Variants in SLCO4C1 observed in about 807,000 individuals in gnomAD.
SLCO4C1 encodes solute carrier organic anion transporter family member 4C1, also known as organic anion transporter M1.
SLCO4C1 carries 58 observed loss-of-function variants against 72.1 expected under a neutral mutation model. That is an observed-to-expected ratio of 0.80 (90% CI 0.65 to 1.00). The LOEUF (loss-of-function observed/expected upper bound fraction) is 1.00, where lower values mean the gene tolerates loss of function less well. SLCO4C1 is among the 50% of genes least tolerant of loss of function. SLCO4C1 has a pLI of 0.00. For synonymous variants in SLCO4C1, 297 were observed against 312.5 expected (o/e 0.95, Z 0.52); for missense variants, 898 against 857.9 (o/e 1.05, Z -0.58).
chr5:102,290,139 G>T (rs535245579), intron 2 of SLCO4C1, among the ~76,000 whole-genome samples: 11 of 152,332 alleles, frequency 7.2e-5, no homozygotes, highest in South Asian at 4.1e-4. Context: ...TCCACTCAGG[G>T]CAGAAGGCAA....
rs201552336 is a variant in SLCO4C1 at position 102,236,814 on chromosome 5, G to C, written c.*44C>G. ...ATGGCAATGTGTGTTCTTAAAAATC[G>C]AGGTAAATTTTCCAGGTGTAAAACA... On this transcript the variant is annotated 3_prime_UTR_variant, in exon 13 of 13. Coordinates refer to ENST00000310954, the MANE Select transcript of SLCO4C1 (RefSeq NM_180991.5). 5 of 1,578,504 alleles carry C rather than the reference G, an allele frequency of 3.2e-6. No individual in the cohort carries two copies. Among genetic ancestry groups the C allele is most frequent in the Non-Finnish European group, 4.3e-6 (5 of 1,161,174 alleles).
chr5:102,249,606 T>G (rs1343832872), intron 9 of SLCO4C1, 32 bp downstream of exon 9: 2 of 1,611,406 alleles, frequency 1.2e-6, no homozygotes, highest in Admixed American at 1.7e-5. Context: ...ACATATTGCC[T>G]CATTAAGGGA....
chr5:102,264,678 G>A (rs1749002455), intron 3 of SLCO4C1, among the ~76,000 whole-genome samples: 1 of 150,950 alleles, frequency 6.6e-6, no homozygotes, highest in Non-Finnish European at 1.5e-5. Flanking sequence ...ATGAGTAATG[G>A]TTAACTATAT....
rs1017406640 is a variant in SLCO4C1, at chr5:102,235,258, T to G, written c.*1600A>C. ...TGTGTTATCCTGATTACAGTGTATA[T>G]AAAACAATGCTTGTGGAAAATTAAC... is the stretch of plus-strand genomic sequence containing the variant. On this transcript the variant is annotated 3_prime_UTR_variant, in exon 13 of 13. Transcript: ENST00000310954. The G allele has an allele frequency of 3.9e-5, 6 of 152,226 alleles. No homozygotes were observed. The highest frequency in any genetic ancestry group is 1.3e-4 in the Admixed American group (2 of 15,276). The allele number at this position is 152,226 out of a possible 1,614,324, so 9.4% of individuals were successfully genotyped here. A position where few individuals can be genotyped will look rare whatever the true frequency, so the allele number is the denominator to read the frequency against.
At chr5:102,244,163 G>A (rs1748596659) in intron 10 of SLCO4C1, among the ~76,000 whole-genome samples, 1 of 152,134 alleles carries the variant, frequency 6.6e-6, no homozygotes, top group Non-Finnish European at 1.5e-5. Flanking sequence ...TCTCCAGCCT[G>A]GGCAACAGAG....
At chr5:102,262,632 G>A (rs1748962857) in intron 4 of SLCO4C1, among the ~76,000 whole-genome samples, 1 of 151,912 alleles carries the variant, frequency 6.6e-6, no homozygotes, top group Non-Finnish European at 1.5e-5. Context: ...GCCACTCCTG[G>A]CCTCAAGTGA....
chr5:102,271,708 AT>A (rs1279682756), intron 2 of SLCO4C1, among the ~76,000 whole-genome samples: 1 of 151,884 alleles, frequency 6.6e-6, no homozygotes. Flanking sequence ...CTGTGAACTA[AT>A]TTTTCAATTA....
chr5:102,265,558 C>T (rs374375428), intron 3 of SLCO4C1, among the ~76,000 whole-genome samples: 1 of 152,004 alleles, frequency 6.6e-6, no homozygotes, highest in African/African-American at 2.4e-5. Flanking sequence ...TATTACAGCA[C>T]CATTTATTAA....
At chr5:102,241,618 T>C (rs1300394506) in intron 10 of SLCO4C1, among the ~76,000 whole-genome samples, 1 of 152,158 alleles carries the variant, frequency 6.6e-6, no homozygotes, top group African/African-American at 2.4e-5. Context: ...AATGGAAAGC[T>C]ATCCCTTGTT....
intron 1 of SLCO4C1, among the ~76,000 whole-genome samples, chr5:102,294,935 T>TGATG (rs1311500974): frequency 1.3e-5 from 2 of 152,212 alleles, no homozygotes; most frequent in African/African-American, 4.8e-5. Context: ...AATCCTTGAC[T>TGATG]GATTATACAG....
Position 102,258,086 on chromosome 5 carries a change from T to C in SLCO4C1, c.1130A>G (p.Asn377Ser), listed in dbSNP as rs747627858. ...CATAAAGACAGCATTCTTCATCAAA[T>C]TCTAAAGAAAAAAATACAGTTCCTC... The part of the protein sequence containing the change: ...SIKDFPAALK[N>S]LMKNAVFMCL... The change falls in exon 7 of 13, where the codon AAT becomes AGT. Residue 377 changes from asparagine to serine, a missense_variant and splice_region_variant. Coordinates refer to ENST00000310954, the MANE Select transcript of SLCO4C1 (RefSeq NM_180991.5). The C allele has an allele frequency of 9.7e-6, 15 of 1,538,562 alleles. No individual in the cohort carries two copies. The highest frequency in any genetic ancestry group is 2.1e-4 in the Middle Eastern group (1 of 4,698).
At chr5:102,295,626 A>G (rs879918038) in intron 1 of SLCO4C1, among the ~76,000 whole-genome samples, 2 of 152,252 alleles carry the variant, frequency 1.3e-5, no homozygotes, top group African/African-American at 2.4e-5. Context: ...TCTTCCCTGT[A>G]AGTCTTGAAT....
At position 102,270,695 on chromosome 5, in the gene SLCO4C1, G is replaced by A; in HGVS notation, c.731C>T (p.Thr244Ile). ...GGCTGTTCCCAGAGTATAAAGAGGAGTTCCTCCTGCCCCCAGCAATAGTTG... is the reference window on the plus strand; with the variant it reads ...GGCTGTTCCCAGAGTATAAAGAGGAATTCCTCCTGCCCCCAGCAATAGTTG... ...LGQLLLGAGGTPLYTLGTAFL... is the reference protein window; with the variant it reads ...LGQLLLGAGGIPLYTLGTAFL... The change falls in exon 3 of 13, where the codon ACT (threonine) becomes ATT (isoleucine). Residue 244 changes from threonine to isoleucine, a missense_variant. By Grantham distance (89) the Thr-to-Ile change is moderately conservative. Transcript: ENST00000310954. The A allele has an allele frequency of 6.2e-7, 1 of 1,613,292 alleles. No homozygotes were observed. Among genetic ancestry groups the A allele is most frequent in the Non-Finnish European group, 8.5e-7 (1 of 1,179,536 alleles).
At chr5:102,295,229 A>G (rs897878561) in intron 1 of SLCO4C1, among the ~76,000 whole-genome samples, 1 of 152,222 alleles carries the variant, frequency 6.6e-6, no homozygotes, top group Admixed American at 6.5e-5. Flanking sequence ...TCTGAACTGA[A>G]TCTGTAACTC....
intron 2 of SLCO4C1, among the ~76,000 whole-genome samples, chr5:102,283,833 T>G (rs1749400122): frequency 6.6e-6 from 1 of 152,050 alleles, no homozygotes; most frequent in Non-Finnish European, 1.5e-5. Context: ...GGATTCTCTG[T>G]CCACATTTTC....
chr5:102,250,340 G>A (rs1283797409), intron 8 of SLCO4C1, among the ~76,000 whole-genome samples: 1 of 152,170 alleles, frequency 6.6e-6, no homozygotes, highest in Admixed American at 6.5e-5. Context: ...CCCAGGCTCA[G>A]TGTCATTGCA....
intron 2 of SLCO4C1, among the ~76,000 whole-genome samples, chr5:102,274,171 T>C (rs1264971313): frequency 6.6e-6 from 1 of 152,168 alleles, no homozygotes; most frequent in African/African-American, 2.4e-5. Flanking sequence ...ATGCAGATTT[T>C]GTTATCCATG....
intron 2 of SLCO4C1, among the ~76,000 whole-genome samples, chr5:102,286,600 C>G (rs1354961452): frequency 6.6e-6 from 1 of 151,998 alleles, no homozygotes; most frequent in Non-Finnish European, 1.5e-5. Context: ...TTAACTTGTA[C>G]AAAAAATTAG....
intron 9 of SLCO4C1, among the ~76,000 whole-genome samples, 166 bp downstream of exon 9, chr5:102,249,472 G>C (rs1429864639): frequency 1.3e-5 from 2 of 152,158 alleles, no homozygotes; most frequent in African/African-American, 4.8e-5. Flanking sequence ...AACTGCAAGA[G>C]GCATGAAGGA....
Sources: gnomAD v4.1 joint callset for allele counts (sites outside exome capture counted in the v4.1 genomes callset) on GRCh38, gnomAD v4.1.1 for gene constraint, MANE v1.5 for transcripts, NCBI Gene and HGNC (gene_info 2026-07-23, HGNC 2026-07-21) for gene names.